USP8: variants seen among roughly 807,000 people sequenced by gnomAD.
USP8 encodes the protein ubiquitin carboxyl-terminal hydrolase 8.
In USP8, 27 loss-of-function variants were observed where a neutral mutation model predicts 130.0. That is an observed-to-expected ratio of 0.21 (90% confidence interval 0.15 to 0.29). USP8 has a LOEUF of 0.29. Ranked by LOEUF, USP8 falls within the 10% of genes least tolerant of loss-of-function variation. The probability of loss-of-function intolerance (pLI) is 1.00; values close to 1 mark genes in which losing one functional copy is unlikely to be tolerated. For synonymous variants in USP8, 392 were observed against 444.1 expected, an observed-to-expected ratio of 0.88 and a Z score of 1.48; for missense variants, 1,029 against 1,312.2, an observed-to-expected ratio of 0.78 and a Z score of 3.33.
At chr15:50,462,465 C>G in intron 6 of USP8, 143 bp downstream of exon 6, 1 of 650,952 alleles carries the variant, frequency 1.5e-6, no homozygotes, top group Non-Finnish European at 2.4e-6. Context: ...CTAGTCTGTA[C>G]AATTATATTG....
chr15:50,433,164 G>C (rs1234190825), intron 1 of USP8, among the ~76,000 whole-genome samples: 3 of 152,006 alleles, frequency 2.0e-5, no homozygotes, highest in Non-Finnish European at 4.4e-5. Flanking sequence ...AATCTGGGAA[G>C]TGGAGGTTGC....
chr15:50,483,962 G>T (rs2051862549), intron 11 of USP8, among the ~76,000 whole-genome samples: 1 of 151,966 alleles, frequency 6.6e-6, no homozygotes, highest in Non-Finnish European at 1.5e-5. Flanking sequence ...TTAAATAAAA[G>T]AATAATGTTC....
intron 4 of USP8, among the ~76,000 whole-genome samples, chr15:50,452,006 G>A (rs913818667): frequency 6.6e-6 from 1 of 152,224 alleles, no homozygotes; most frequent in African/African-American, 2.4e-5. Flanking sequence ...GGGGTCCGTG[G>A]CCTGCTGGCC....
intron 8 of USP8, among the ~76,000 whole-genome samples, chr15:50,475,706 G>A (rs1005652142): frequency 2.6e-5 from 4 of 152,098 alleles, no homozygotes; most frequent in Non-Finnish European, 5.9e-5. Flanking sequence ...GGGTTCAAGC[G>A]ATTCTCTTGC....
At chr15:50,467,640 TG>T (rs1326492520) in intron 7 of USP8, among the ~76,000 whole-genome samples, 1 of 152,014 alleles carries the variant, frequency 6.6e-6, no homozygotes, top group Non-Finnish European at 1.5e-5. Flanking sequence ...ACCGCAGCCT[TG>T]ACCTCCTGGG....
chr15:50,487,250 C>A (rs1218983461), intron 12 of USP8, among the ~76,000 whole-genome samples: 1 of 152,030 alleles, frequency 6.6e-6, no homozygotes, highest in African/African-American at 2.4e-5. Flanking sequence ...AATAAAATTT[C>A]TTAAGATGTG....
At chr15:50,495,492 G>GGT (rs1555392711) in intron 16 of USP8, among the ~76,000 whole-genome samples, 3 of 149,542 alleles carry the variant, frequency 2.0e-5, no homozygotes, top group African/African-American at 7.4e-5. Context: ...TTGGAGGGGG[G>GGT]GGTCTCACTA....
Position 50,505,245 on chromosome 15 carries a change from A to C in USP8, c.*6157A>C, listed in dbSNP as rs1340857958. On this transcript the variant is annotated 3_prime_UTR_variant, in exon 20 of 20. Transcript: ENST00000307179. ...CAGGGATAAATAAAAATAATACTGC[A>C]GAACAACAGAGACAAAGAGAAAAAG... The C allele has an allele frequency of 2.0e-5, 3 of 152,208 alleles. No homozygotes were observed. In the East Asian group the frequency reaches 5.8e-4, roughly 29 times the overall value. The allele number at this position is 152,208 out of a possible 1,614,324, so 9.4% of individuals were successfully genotyped here.
intron 3 of USP8, 27 bp from the exon 4 acceptor site, chr15:50,449,373 T>C: frequency 6.8e-7 from 1 of 1,473,616 alleles, no homozygotes; most frequent in Non-Finnish European, 9.3e-7. Flanking sequence ...GAACTAACAA[T>C]ATGGGATGGT....
rs2052731928 is a variant in USP8, at chr15:50,511,031, G to C, written c.*11943G>C. 2 of 152,284 alleles carry C rather than the reference G, an allele frequency of 1.3e-5. No individual in the cohort carries two copies. The highest frequency in any genetic ancestry group is 3.9e-4 in the East Asian group (2 of 5,172). The allele number at this position is 152,284 out of a possible 1,614,324, so 9.4% of individuals were successfully genotyped here. Reference sequence around the variant, plus strand: ...CTGACCTCGTGATCCGCCTGCCTTGGCCTCCCAAAGTGCTGGGATTACAGG... The same window carrying C: ...CTGACCTCGTGATCCGCCTGCCTTGCCCTCCCAAAGTGCTGGGATTACAGG... On this transcript the variant is annotated 3_prime_UTR_variant, in exon 20 of 20. Transcript: ENST00000307179.
In USP8 at chr15:50,465,189, A is replaced by T. The variant is rs1461353902; in HGVS notation, c.684A>T (p.Pro228=). Residue 228 remains proline (P), a splice_region_variant and synonymous_variant, in exon 7 of 20, where the codon CCA becomes CCT. Coordinates refer to ENST00000307179, the MANE Select transcript of USP8 (RefSeq NM_005154.5). ...SLSVPEEAIS[P]GVTASWIEAH... ...GTGTTCCTGAAGAAGCCATCAGTCC[A>T]GGGTGGGTTATTGTGTAGTAAAGTA... 1.2e-6 allele frequency: 2 copies of T among 1,613,252 alleles called. No individual in the cohort carries two copies. The highest frequency in any genetic ancestry group is 2.2e-5 in the South Asian group (2 of 90,998).
rs368317483 is a variant in USP8, at chr15:50,490,237, GT to G, written c.1972-15del. On this transcript the variant is annotated intron_variant, in intron 13 of 19. Transcript: ENST00000307179. The stretch of plus-strand genomic sequence containing the variant: ...AATGCTTATTTTTGTTTTTTGACCT[GT>G]TTTTTTTTTTCTTTTCCATCTAAGT... 4.9e-3 allele frequency: 5,843 copies of G among 1,184,024 alleles called. 20 individuals carry two copies. The highest frequency in any genetic ancestry group is 0.028 in the African/African-American group (1,758 of 63,416). The allele number at this position is 1,184,024 out of a possible 1,614,324, so 73.3% of individuals were successfully genotyped here.
At chr15:50,496,889 G>A in intron 17 of USP8, 200 bp from the exon 18 acceptor site, 1 of 566,208 alleles carries the variant, frequency 1.8e-6, no homozygotes, top group Non-Finnish European at 2.9e-6. Context: ...ACTGTAGGTA[G>A]CACTCACCAC....
At chr15:50,492,270 C>A (rs947287760) in intron 14 of USP8, among the ~76,000 whole-genome samples, 2 of 152,164 alleles carry the variant, frequency 1.3e-5, no homozygotes, top group African/African-American at 4.8e-5. Context: ...ATCTACTCCA[C>A]GGTATGGTTT....
chr15:50,446,589 A>G (rs1190381069), intron 3 of USP8, among the ~76,000 whole-genome samples: 1 of 152,226 alleles, frequency 6.6e-6, no homozygotes, highest in East Asian at 1.9e-4. Flanking sequence ...ATCAGTAGTC[A>G]GGACATGGTG....
rs1302472479 is a variant in USP8, at chr15:50,510,054, T to C, written c.*10966T>C. 6.6e-6 allele frequency: 1 copy of C among 152,104 alleles called. No individual in the cohort carries two copies. The highest frequency in any genetic ancestry group is 1.5e-5 in the Non-Finnish European group (1 of 68,004). 9.4% of individuals were successfully genotyped at this position (152,104 alleles called of 1,614,324 possible). On this transcript the variant is annotated 3_prime_UTR_variant, in exon 20 of 20. Transcript: ENST00000307179. ...AAGAATTAATTCAATATTAATTTAA[T>C]AAATTTAATATTTTATAGCTATAAT...
intron 4 of USP8, 62 bp from the exon 5 acceptor site, chr15:50,458,938 A>G (rs1595932248): frequency 6.3e-7 from 1 of 1,594,022 alleles, no homozygotes; most frequent in African/African-American, 1.4e-5. Flanking sequence ...CAGAACTGAA[A>G]CTCCTTTAAT....
rs2052632037 is a variant in USP8 at position 50,504,562 on chromosome 15, T to C, written c.*5474T>C. 1 of 152,152 alleles carries C rather than the reference T, an allele frequency of 6.6e-6. No individual in the cohort carries two copies. The highest frequency in any genetic ancestry group is 2.1e-4 in the South Asian group (1 of 4,822). The allele number at this position is 152,152 out of a possible 1,614,324, so 9.4% of individuals were successfully genotyped here. ...AAAAACACCAGAAAAGACACCATTT[T>C]ATATAGGGCCCTTGAGCATCTGTGG... On this transcript the variant is annotated 3_prime_UTR_variant, in exon 20 of 20. Coordinates refer to ENST00000307179, the MANE Select transcript of USP8 (RefSeq NM_005154.5).
intron 15 of USP8, chr15:50,493,693 C>T (rs370263683): frequency 2.2e-5 from 8 of 370,598 alleles, no homozygotes; most frequent in East Asian, 7.1e-5. Context: ...TGCAGTGAGC[C>T]GTGATTGTGC....
Sources: allele counts gnomAD v4.1 joint callset (sites outside exome capture counted in the v4.1 genomes callset), GRCh38; gene constraint gnomAD v4.1.1; transcripts MANE v1.5; gene names NCBI Gene and HGNC (gene_info 2026-07-23, HGNC 2026-07-21).